The following RTTN variants were observed in gnomAD, a reference collection of about 807,000 sequenced individuals.
RTTN encodes the protein rotatin.
In RTTN, 182 loss-of-function variants were observed where a neutral mutation model predicts 269.2. That is an observed-to-expected ratio of 0.68 (90% CI 0.60 to 0.76). The LOEUF (loss-of-function observed/expected upper bound fraction) is 0.76. Among genes scored for constraint, RTTN ranks in the 30% least tolerant of loss-of-function variants. The pLI, the probability that RTTN is intolerant of heterozygous loss-of-function variation, is 0.00. For synonymous variants in RTTN, 1,006 were observed against 963.5 expected (o/e 1.04, Z -0.82); for missense variants, 2,545 against 2,608.6 (o/e 0.98, Z 0.53).
At chr18:70,148,224 C>T (rs1033982292) in intron 17 of RTTN, among the ~76,000 whole-genome samples, 7 of 152,270 alleles carry the variant, frequency 4.6e-5, no homozygotes, top group African/African-American at 1.7e-4. Flanking sequence ...TCCTCTTTAT[C>T]CCTGCTTATC....
chr18:70,160,917 C>T (rs1412279637), intron 14 of RTTN, among the ~76,000 whole-genome samples: 4 of 152,154 alleles, frequency 2.6e-5, no homozygotes, highest in East Asian at 3.8e-4. Flanking sequence ...AATGGCCATA[C>T]TTCCCAAAGC....
At chr18:70,074,039 C>A in intron 33 of RTTN, 45 bp from the exon 34 acceptor site, 1 of 1,299,446 alleles carries the variant, frequency 7.7e-7, no homozygotes, top group Non-Finnish European at 1.1e-6. Flanking sequence ...CTCCTAGGAA[C>A]TGTAACAATT....
At chr18:70,097,664 G>A (rs1436493250) in intron 28 of RTTN, among the ~76,000 whole-genome samples, 1 of 152,174 alleles carries the variant, frequency 6.6e-6, no homozygotes, top group African/African-American at 2.4e-5. Flanking sequence ...TTACATAACA[G>A]GGACTGTGCT....
chr18:70,024,578 A>G (rs896046645), intron 44 of RTTN, 144 bp downstream of exon 44: 6 of 702,546 alleles, frequency 8.5e-6, no homozygotes, highest in Non-Finnish European at 1.4e-5. Context: ...AATACCTACG[A>G]GAAAGCTTGC....
chr18:70,193,722 T>C (rs1008302134), intron 7 of RTTN, among the ~76,000 whole-genome samples: 1 of 152,154 alleles, frequency 6.6e-6, no homozygotes, highest in African/African-American at 2.4e-5. Context: ...AGAAAAACAC[T>C]AGATCATGCA....
At position 70,020,797 on chromosome 18, in the gene RTTN, AC is replaced by A; in HGVS notation, c.5970del (p.Trp1990CysfsTer17). On this transcript the variant is annotated frameshift_variant, in exon 45 of 49. Transcript: ENST00000640769. LOFTEE classifies it high-confidence loss of function. ...TGAACAGGGTGTTGTCCACAACTTG[AC>A]CAACAAAGAGAACTGCAACCTTCAA... The part of the protein sequence containing the change: ...NFPNGCSSLC[W>X]SSCGQHPVQA... 1 of 1,612,512 alleles carries A rather than the reference AC, an allele frequency of 6.2e-7. No individual in the cohort carries two copies. Among genetic ancestry groups the A allele is most frequent in the Non-Finnish European group, 8.5e-7 (1 of 1,179,038 alleles).
At chr18:70,138,706 G>C (rs2060183998) in intron 21 of RTTN, 1 of 152,096 alleles carries the variant, frequency 6.6e-6, no homozygotes, top group Non-Finnish European at 1.5e-5. Context: ...GCTTTACCTG[G>C]TTTTAGGGCT....
chr18:70,114,195 C>G (rs909120952), intron 27 of RTTN, among the ~76,000 whole-genome samples: 4 of 151,798 alleles, frequency 2.6e-5, no homozygotes, highest in African/African-American at 9.7e-5. Flanking sequence ...GGAATTAAAC[C>G]CTAGAGAACA....
intron 8 of RTTN, among the ~76,000 whole-genome samples, chr18:70,191,869 T>C (rs1454821477): frequency 1.3e-5 from 2 of 152,224 alleles, no homozygotes. Context: ...GTGAGGAAGC[T>C]GTTCACTCAG....
At chr18:70,157,075 C>A (rs939467236) in intron 14 of RTTN, among the ~76,000 whole-genome samples, 1 of 152,220 alleles carries the variant, frequency 6.6e-6, no homozygotes, top group African/African-American at 2.4e-5. Context: ...CACCCACCCA[C>A]AGCCAATACC....
At chr18:70,029,397 T>C (rs1377560804) in intron 42 of RTTN, among the ~76,000 whole-genome samples, 1 of 152,168 alleles carries the variant, frequency 6.6e-6, no homozygotes, top group Non-Finnish European at 1.5e-5. Flanking sequence ...ACAGTAGTTA[T>C]TATATAACTA....
Position 70,109,487 on chromosome 18 carries a change from T to C in RTTN, c.3903+11A>G. 1 of 1,609,670 alleles carries C rather than the reference T, an allele frequency of 6.2e-7. No homozygotes were observed. Among genetic ancestry groups the C allele is most frequent in the Non-Finnish European group, 8.5e-7 (1 of 1,175,934 alleles). On this transcript the variant is annotated intron_variant, in intron 28 of 48. Coordinates refer to ENST00000640769, the MANE Select transcript of RTTN (RefSeq NM_173630.4). ...AATAGTAAATAACTACCATATGCTA[T>C]TTTTACTTACCTCAAGGAGACCTGA...
chr18:70,055,521 A>AGCCTGG (rs1315016837), intron 37 of RTTN, among the ~76,000 whole-genome samples: 18 of 152,112 alleles, frequency 1.2e-4, no homozygotes, highest in Non-Finnish European at 2.4e-4. Context: ...CTTTATATAA[A>AGCCTGG]AGTGTAGGTG....
At chr18:70,042,439 G>C (rs1400277206) in intron 40 of RTTN, among the ~76,000 whole-genome samples, 1 of 135,262 alleles carries the variant, frequency 7.4e-6, no homozygotes, top group Non-Finnish European at 1.5e-5. Flanking sequence ...GCAGTGGCGT[G>C]ATCTCTGCTC....
intron 42 of RTTN, 45 bp downstream of exon 42, chr18:70,029,967 A>C (rs1313079389): frequency 2.2e-6 from 3 of 1,370,674 alleles, no homozygotes; most frequent in Non-Finnish European, 3.1e-6. Context: ...AGAGGACTGG[A>C]GAATGGTCTC....
Position 70,085,683 on chromosome 18 carries a change from A to T in RTTN, c.4374+930T>A, listed in dbSNP as rs1675622. Among the ~76,000 whole-genome samples the T allele has an allele frequency of 7.2e-3, 1,090 of 152,270 alleles. 8 individuals are homozygous for T. The highest frequency in any genetic ancestry group is 0.025 in the African/African-American group (1,046 of 41,546). ...ATTACCTAAAACTGCAGCAACATGG[A>T]TGGAGGTGGAGGCCATTATCTAAGT... On this transcript the variant is annotated intron_variant, in intron 32 of 48. Coordinates refer to ENST00000640769, the MANE Select transcript of RTTN (RefSeq NM_173630.4).
At chr18:70,019,123 A>C (rs2056629541) in intron 45 of RTTN, among the ~76,000 whole-genome samples, 1 of 152,166 alleles carries the variant, frequency 6.6e-6, no homozygotes, top group Non-Finnish European at 1.5e-5. Flanking sequence ...CCGTCCCTGG[A>C]AAGAGAGTCT....
At position 70,204,132 on chromosome 18, in the gene RTTN, C is replaced by A. The variant is rs770162819; in HGVS notation, c.351G>T (p.Ser117=). The change falls in exon 3 of 49, where the codon TCG becomes TCT. Residue 117 remains serine, a synonymous_variant. Coordinates refer to ENST00000640769, the MANE Select transcript of RTTN (RefSeq NM_173630.4). ...AGGCAGAAGATAGTGCAGGAACTTC[C>A]GAAGGAAGAAGAAAAAGTCCATCCA... is the stretch of plus-strand genomic sequence containing the variant. ...GILDGLFLLP[S]EVPALSSASY... The A allele has an allele frequency of 3.1e-6, 5 of 1,613,826 alleles. No individual in the cohort carries two copies. The Admixed American group carries it at 5.0e-5, about 16-fold the overall frequency.
At chr18:70,149,641 T>TA (rs1273178607) in intron 16 of RTTN, among the ~76,000 whole-genome samples, 2 of 152,098 alleles carry the variant, frequency 1.3e-5, no homozygotes, top group Admixed American at 1.3e-4. Context: ...GTTAGTTATG[T>TA]AAGGTCTCCT....
Sources: allele counts gnomAD v4.1 joint callset (sites outside exome capture counted in the v4.1 genomes callset), GRCh38; gene constraint gnomAD v4.1.1; transcripts MANE v1.5; gene names NCBI Gene and HGNC (gene_info 2026-07-23, HGNC 2026-07-21).